SEMA3C: variants seen among roughly 807,000 people sequenced by gnomAD.
SEMA3C encodes semaphorin-3C.
In SEMA3C, 47 loss-of-function variants were observed where a neutral mutation model predicts 89.4. That is an observed-to-expected ratio of 0.53 (90% CI 0.42 to 0.67). The LOEUF is 0.67. Ranked by LOEUF, SEMA3C falls within the 30% of genes least tolerant of loss-of-function variation. The pLI is 0.00. For missense variants in SEMA3C, 839 were observed against 929.1 expected, an observed-to-expected ratio of 0.90 and a Z score of 1.26; for synonymous variants, 310 against 320.2, an observed-to-expected ratio of 0.97 and a Z score of 0.34.
At chr7:80,902,787 A>G (rs1458641744) in intron 2 of SEMA3C, among the ~76,000 whole-genome samples, 1 of 152,146 alleles carries the variant, frequency 6.6e-6, no homozygotes, top group Non-Finnish European at 1.5e-5. Context: ...GTTTATTTCT[A>G]GAGGCCCATG....
chr7:80,863,922 A>G (rs1052013168), intron 2 of SEMA3C, among the ~76,000 whole-genome samples: 6 of 120,624 alleles, frequency 5.0e-5, no homozygotes, highest in African/African-American at 7.9e-5. Context: ...TCACATATAT[A>G]TCATATATAT....
chr7:80,880,520 C>T (rs1791308944), intron 2 of SEMA3C, among the ~76,000 whole-genome samples: 1 of 152,192 alleles, frequency 6.6e-6, no homozygotes, highest in Non-Finnish European at 1.5e-5. Context: ...CTTAGAAATA[C>T]ATGTTGGACA....
At chr7:80,863,900 A>G (rs1790854655) in intron 2 of SEMA3C, among the ~76,000 whole-genome samples, 1 of 134,716 alleles carries the variant, frequency 7.4e-6, no homozygotes, top group Admixed American at 7.4e-5. Context: ...TCACACATAT[A>G]TTACATATAT....
intron 15 of SEMA3C, among the ~76,000 whole-genome samples, chr7:80,757,136 TC>T (rs1788084062): frequency 6.6e-6 from 1 of 152,176 alleles, no homozygotes; most frequent in Non-Finnish European, 1.5e-5. Flanking sequence ...TCTGTCAAGG[TC>T]CTCAAAGGAA....
chr7:80,811,067 T>C lies in SEMA3C; in HGVS notation c.448-366A>G, dbSNP rs536198639. Among the ~76,000 whole-genome samples the C allele has an allele frequency of 3.3e-5, 5 of 152,284 alleles. No homozygotes were observed. In the East Asian group the frequency reaches 7.7e-4, roughly 23 times the overall value. On this transcript the variant is annotated intron_variant, in intron 5 of 17. Transcript: ENST00000265361. Reference sequence around the variant, plus strand: ...ACTGTCCACAGAGGAACAATCTATGTAAGGACTATACTATTTTCAAAATAA... The same window carrying C: ...ACTGTCCACAGAGGAACAATCTATGCAAGGACTATACTATTTTCAAAATAA...
chr7:80,828,794 A>T (rs1401990453), intron 2 of SEMA3C, 49 bp from the exon 3 acceptor site: 1 of 1,336,332 alleles, frequency 7.5e-7, no homozygotes, highest in African/African-American at 1.5e-5. Flanking sequence ...TGGTTCTATA[A>T]TTCTATTATT....
Position 80,773,521 on chromosome 7 carries a change from C to T in SEMA3C, c.1355-8278G>A, listed in dbSNP as rs533207569. Among the ~76,000 whole-genome samples the T allele has an allele frequency of 5.3e-5, 8 of 152,140 alleles. No individual in the cohort carries two copies. The South Asian group carries it at 1.5e-3, about 28-fold the overall frequency. On this transcript the variant is annotated intron_variant, in intron 12 of 17. Coordinates refer to ENST00000265361, the MANE Select transcript of SEMA3C (RefSeq NM_006379.5). ...AAAAAACTGGACAAAATGTATGAGG[C>T]CATTCTTTTTAGGTAACAGATAACA...
chr7:80,884,218 A>G lies in SEMA3C; in HGVS notation c.103+32461T>C, dbSNP rs186257173. ...ATACAATCAACTTGTTTCTCCTAAA[A>G]GATGTGAAATATTTAAGACATAACT... On this transcript the variant is annotated intron_variant, in intron 2 of 17. Coordinates refer to ENST00000265361, the MANE Select transcript of SEMA3C (RefSeq NM_006379.5). Among the ~76,000 whole-genome samples the G allele has an allele frequency of 8.7e-4, 133 of 152,302 alleles. 1 individual carries two copies. In the East Asian group the frequency reaches 0.023, roughly 26 times the overall value.
intron 4 of SEMA3C, among the ~76,000 whole-genome samples, chr7:80,821,444 G>A (rs1218625815): frequency 6.6e-6 from 1 of 152,118 alleles, no homozygotes; most frequent in African/African-American, 2.4e-5. Context: ...GTGGGCGACA[G>A]AGTGTCGCTC....
At chr7:80,801,845 A>G (rs1363634285) in intron 9 of SEMA3C, among the ~76,000 whole-genome samples, 1 of 152,140 alleles carries the variant, frequency 6.6e-6, no homozygotes, top group East Asian at 1.9e-4. Context: ...AGAAAAGCTT[A>G]TCTAGAAACT....
intron 12 of SEMA3C, among the ~76,000 whole-genome samples, chr7:80,776,105 A>G (rs986679092): frequency 3.3e-5 from 5 of 152,090 alleles, no homozygotes; most frequent in Non-Finnish European, 5.9e-5. Flanking sequence ...GTTAGAAGGA[A>G]TACAACTAAT....
chr7:80,875,361 T>G (rs2116070497), intron 2 of SEMA3C, among the ~76,000 whole-genome samples: 1 of 152,290 alleles, frequency 6.6e-6, no homozygotes, highest in South Asian at 2.1e-4. Flanking sequence ...TTTGCTATAT[T>G]AATTTTTTAG....
intron 2 of SEMA3C, among the ~76,000 whole-genome samples, chr7:80,843,168 G>GT (rs1289471552): frequency 6.6e-6 from 1 of 152,066 alleles, no homozygotes; most frequent in Non-Finnish European, 1.5e-5. Flanking sequence ...TAACAACAAT[G>GT]TATTACATAT....
intron 15 of SEMA3C, among the ~76,000 whole-genome samples, chr7:80,753,034 G>A (rs1279136690): frequency 1.3e-5 from 2 of 152,120 alleles, no homozygotes; most frequent in East Asian, 3.9e-4. Context: ...GTGAAAAAAA[G>A]CTCATTTTCT....
At chr7:80,817,440 C>G (rs567629733) in intron 5 of SEMA3C, among the ~76,000 whole-genome samples, 29 of 151,802 alleles carry the variant, frequency 1.9e-4, no homozygotes, top group African/African-American at 6.3e-4. Context: ...AAAACCAAAC[C>G]AAGTTTGAAA....
At chr7:80,915,657 G>C (rs1226753583) in intron 2 of SEMA3C, 1 of 150,658 alleles carries the variant, frequency 6.6e-6, no homozygotes, top group Non-Finnish European at 1.5e-5. Context: ...AAGGAGAATG[G>C]CTTGAACCTG....
At position 80,805,621 on chromosome 7, in the gene SEMA3C, C is replaced by A. The variant is rs746419173; in HGVS notation, c.658+18G>T. On this transcript the variant is annotated intron_variant, in intron 7 of 17. Transcript: ENST00000265361. ...TTAACACGATACTAAAAAATAAATGCATCAAATGCTTTCTTACCACTTAGC... is the reference window on the plus strand; with the variant it reads ...TTAACACGATACTAAAAAATAAATGAATCAAATGCTTTCTTACCACTTAGC... 1 of 1,585,670 alleles carries A rather than the reference C, an allele frequency of 6.3e-7. No individual in the cohort carries two copies. The highest frequency in any genetic ancestry group is 2.3e-5 in the East Asian group (1 of 44,046).
chr7:80,838,247 A>ACAC (rs1375897533), intron 2 of SEMA3C, among the ~76,000 whole-genome samples: 1 of 152,166 alleles, frequency 6.6e-6, no homozygotes, highest in Non-Finnish European at 1.5e-5. Flanking sequence ...GTTTACCCCA[A>ACAC]CACCACCCTC....
At chr7:80,881,044 A>G (rs571440385) in intron 2 of SEMA3C, among the ~76,000 whole-genome samples, 34 of 152,196 alleles carry the variant, frequency 2.2e-4, no homozygotes, top group African/African-American at 7.0e-4. Flanking sequence ...TAAAATTACA[A>G]TTCTGATGAT....
Sources: gnomAD v4.1 joint callset for allele counts (sites outside exome capture counted in the v4.1 genomes callset) on GRCh38, gnomAD v4.1.1 for gene constraint, MANE v1.5 for transcripts, NCBI Gene and HGNC (gene_info 2026-07-23, HGNC 2026-07-21) for gene names.